The following GKAP1 variants were observed in gnomAD, a reference collection of about 807,000 sequenced individuals.
GKAP1 encodes G kinase-anchoring protein 1.
Under a neutral mutation model 56.7 loss-of-function variants are expected in GKAP1, and 31 were observed. That is an observed-to-expected ratio of 0.55 (90% CI 0.41 to 0.74). The LOEUF (loss-of-function observed/expected upper bound fraction) is 0.74, where lower values mean the gene tolerates loss of function less well. Ranked by LOEUF, GKAP1 falls within the 30% of genes least tolerant of loss-of-function variation. The probability of loss-of-function intolerance (pLI) is 0.00; values close to 1 mark genes in which losing one functional copy is unlikely to be tolerated. For synonymous variants in GKAP1, 151 were observed against 138.6 expected (o/e 1.09, Z -0.63); for missense variants, 364 against 402.3 (o/e 0.90, Z 0.82).
chr9:83,802,450 C>G (rs1437155800), intron 3 of GKAP1, among the ~76,000 whole-genome samples: 1 of 149,482 alleles, frequency 6.7e-6, no homozygotes, highest in African/African-American at 2.5e-5. Flanking sequence ...GCACTAAAAC[C>G]CAGCTCGGGC....
At chr9:83,768,756 A>G in intron 8 of GKAP1, 62 bp downstream of exon 8, 1 of 1,448,672 alleles carries the variant, frequency 6.9e-7, no homozygotes, top group Non-Finnish European at 9.5e-7. Flanking sequence ...TTACTTGTTT[A>G]AAAAATAAAA....
At chr9:83,789,405 C>T (rs1240663639) in intron 4 of GKAP1, among the ~76,000 whole-genome samples, 2 of 152,164 alleles carry the variant, frequency 1.3e-5, no homozygotes, top group Non-Finnish European at 2.9e-5. Context: ...GAGTTGTCCA[C>T]TACTGGGCAT....
intron 3 of GKAP1, among the ~76,000 whole-genome samples, chr9:83,804,141 A>C (rs546843659): frequency 6.9e-3 from 455 of 66,238 alleles, no homozygotes; most frequent in African/African-American, 9.2e-3. Flanking sequence ...AGCCCCCCGC[A>C]CGGCCAGCCG....
chr9:83,792,350 G>GA (rs1347758974), intron 4 of GKAP1, among the ~76,000 whole-genome samples: 2 of 151,964 alleles, frequency 1.3e-5, no homozygotes, highest in African/African-American at 2.4e-5. Flanking sequence ...CTATAGGGCA[G>GA]AAAAAAGAGG....
chr9:83,816,062 G>T (rs1006059478), intron 2 of GKAP1, among the ~76,000 whole-genome samples: 2 of 149,958 alleles, frequency 1.3e-5, no homozygotes, highest in South Asian at 4.2e-4. Context: ...TTAGCCAGGC[G>T]CCTGTAATCC....
At chr9:83,752,966 G>A (rs1943416406) in intron 9 of GKAP1, among the ~76,000 whole-genome samples, 1 of 151,680 alleles carries the variant, frequency 6.6e-6, no homozygotes, top group African/African-American at 2.4e-5. Flanking sequence ...AGCTACTCAG[G>A]GCAGGAGAAT....
chr9:83,784,820 T>A lies in GKAP1; in HGVS notation c.457A>T (p.Asn153Tyr). ...ATAACTTTGGACTGAGTTGAAGTAT[T>A]TTCAGCATCTTCATACTCCTAAAAA... ...EHKKEYEDAE[N>Y]TSTQSKVMNK... Residue 153 changes from asparagine to tyrosine, a missense_variant, in exon 6 of 13, where the codon AAT (asparagine) becomes TAT (tyrosine). Coordinates refer to ENST00000376371, the MANE Select transcript of GKAP1 (RefSeq NM_025211.4). 1 of 1,584,794 alleles carries A rather than the reference T, an allele frequency of 6.3e-7. No individual in the cohort carries two copies. The highest frequency in any genetic ancestry group is 8.6e-7 in the Non-Finnish European group (1 of 1,164,082).
At chr9:83,769,610 T>G (rs1943723167) in intron 7 of GKAP1, among the ~76,000 whole-genome samples, 2 of 152,214 alleles carry the variant, frequency 1.3e-5, no homozygotes, top group Admixed American at 6.5e-5. Flanking sequence ...TACATTTTAT[T>G]TCTCCATTTG....
At chr9:83,757,844 T>C (rs746112638) in intron 8 of GKAP1, among the ~76,000 whole-genome samples, 2 of 143,992 alleles carry the variant, frequency 1.4e-5, no homozygotes, top group African/African-American at 2.6e-5. Flanking sequence ...AACAGAAAAG[T>C]GAAAAAAAAA....
chr9:83,754,119 T>C (rs185819994), intron 8 of GKAP1, among the ~76,000 whole-genome samples: 1 of 152,256 alleles, frequency 6.6e-6, no homozygotes, highest in East Asian at 1.9e-4. Context: ...CAGAACAATG[T>C]ACCAGAAAAG....
At chr9:83,785,410 CTAAT>C (rs1013553267) in intron 5 of GKAP1, among the ~76,000 whole-genome samples, 3 of 152,228 alleles carry the variant, frequency 2.0e-5, no homozygotes, top group Middle Eastern at 3.4e-3. Context: ...TACCAATAAA[CTAAT>C]TATTTCTGTA....
intron 12 of GKAP1, 73 bp from the exon 13 acceptor site, chr9:83,739,817 T>A: frequency 8.1e-7 from 1 of 1,232,708 alleles, no homozygotes; most frequent in Non-Finnish European, 1.2e-6. Flanking sequence ...TTAAAAAATA[T>A]AGACCAAAGG....
intron 2 of GKAP1, among the ~76,000 whole-genome samples, chr9:83,807,044 A>G (rs1402465682): frequency 6.6e-6 from 1 of 152,194 alleles, no homozygotes; most frequent in Non-Finnish European, 1.5e-5. Context: ...GATTCTAGAG[A>G]CTGTGATTTA....
At chr9:83,758,525 G>T in intron 8 of GKAP1, among the ~76,000 whole-genome samples, 1 of 152,160 alleles carries the variant, frequency 6.6e-6, no homozygotes, top group South Asian at 2.1e-4. Flanking sequence ...TTGAGGTCAG[G>T]AGTTCGAGAC....
intron 8 of GKAP1, among the ~76,000 whole-genome samples, chr9:83,755,409 G>C (rs1334598219): frequency 6.6e-6 from 1 of 152,070 alleles, no homozygotes; most frequent in Non-Finnish European, 1.5e-5. Flanking sequence ...TAACTGTCGT[G>C]AACATGGGTT....
At chr9:83,756,091 C>T (rs1943470361) in intron 8 of GKAP1, among the ~76,000 whole-genome samples, 2 of 152,066 alleles carry the variant, frequency 1.3e-5, no homozygotes, top group African/African-American at 4.8e-5. Flanking sequence ...AAGCGTGACC[C>T]ACCGCACCCA....
chr9:83,779,612 T>TACAC (rs10546262), intron 7 of GKAP1, among the ~76,000 whole-genome samples: 47 of 127,378 alleles, frequency 3.7e-4, no homozygotes, highest in African/African-American at 9.8e-4. Context: ...TATACACATA[T>TACAC]ACACACACAC....
intron 4 of GKAP1, among the ~76,000 whole-genome samples, chr9:83,790,621 AAAAAC>A (rs892365652): frequency 1.6e-4 from 23 of 147,452 alleles, no homozygotes; most frequent in African/African-American, 2.9e-4. Flanking sequence ...TAAAAATACA[AAAAAC>A]AAAACAAAAC....
Position 83,799,225 on chromosome 9 carries a change from C to G in GKAP1, c.320G>C (p.Arg107Pro), listed in dbSNP as rs754262322. The G allele has an allele frequency of 6.2e-7, 1 of 1,613,408 alleles. No individual in the cohort carries two copies. Among genetic ancestry groups the G allele is most frequent in the South Asian group, 1.1e-5 (1 of 90,994 alleles). ...PLSNPVQKDS[R>P]EENWQEWRQR... is the part of the protein sequence containing the mutation. ...TCTCCACTCTTGCCAATTTTCTTCTCGTGAATCCTTCTGTACTGGGTTTGA... is the reference window on the plus strand; with the variant it reads ...TCTCCACTCTTGCCAATTTTCTTCTGGTGAATCCTTCTGTACTGGGTTTGA... The change falls in exon 4 of 13, where the codon CGA becomes CCA. Residue 107 changes from arginine (R) to proline (P), a missense_variant. Physicochemically the swap from Arg to Pro is moderately radical, Grantham distance 103 (BLOSUM62 -2). Coordinates refer to ENST00000376371, the MANE Select transcript of GKAP1 (RefSeq NM_025211.4).
Sources: allele counts gnomAD v4.1 joint callset (sites outside exome capture counted in the v4.1 genomes callset), GRCh38; gene constraint gnomAD v4.1.1; transcripts MANE v1.5; gene names NCBI Gene and HGNC (gene_info 2026-07-23, HGNC 2026-07-21).